The following MAP3K5 variants were observed in gnomAD, a reference collection of about 807,000 sequenced individuals.
The protein encoded by MAP3K5 is mitogen-activated protein kinase kinase kinase 5, also known as ASK-1.
Under a neutral mutation model 158.7 loss-of-function variants are expected in MAP3K5, and 56 were observed. The observed-to-expected ratio is 0.35, with a 90% CI of 0.28 to 0.44. The LOEUF (loss-of-function observed/expected upper bound fraction) is 0.44. Ranked by LOEUF, MAP3K5 falls within the 20% of genes least tolerant of loss-of-function variation. The probability of loss-of-function intolerance (pLI) is 1.00; values close to 1 mark genes in which losing one functional copy is unlikely to be tolerated. For missense variants in MAP3K5, 1,294 were observed against 1,674.8 expected (o/e 0.77, Z 3.97); for synonymous variants, 579 against 601.7 (o/e 0.96, Z 0.55).
intron 1 of MAP3K5, among the ~76,000 whole-genome samples, chr6:136,735,591 G>A (rs1438617094): frequency 6.6e-6 from 1 of 152,140 alleles, no homozygotes; most frequent in East Asian, 1.9e-4. Context: ...AGCACTTTGC[G>A]AGGCTGAGGC....
Position 136,765,084 on chromosome 6 carries a change from TC to T in MAP3K5, c.448+26625del, listed in dbSNP as rs549319107. ...AAAAATTAGGAAGTCATCATTAGAT[TC>T]CCCCAATCAAATGTATAAGACAGTA... On this transcript the variant is annotated intron_variant, in intron 1 of 29. Transcript: ENST00000359015. Among the ~76,000 whole-genome samples the T allele has an allele frequency of 2.6e-3, 389 of 152,260 alleles. 2 individuals are homozygous for T. The highest frequency in any genetic ancestry group is 9.1e-3 in the African/African-American group (378 of 41,548).
chr6:136,650,352 T>A (rs1778462926), intron 11 of MAP3K5, among the ~76,000 whole-genome samples: 1 of 152,266 alleles, frequency 6.6e-6, no homozygotes, highest in African/African-American at 2.4e-5. Context: ...AATGTCTGTT[T>A]GTAAAAAATA....
At position 136,751,596 on chromosome 6, in the gene MAP3K5, A is replaced by G. The variant is rs552564819; in HGVS notation, c.449-31007T>C. On this transcript the variant is annotated intron_variant, in intron 1 of 29. Coordinates refer to ENST00000359015, the MANE Select transcript of MAP3K5 (RefSeq NM_005923.4). ...CGCTCCCTTCCCATCCCACTCAACA[A>G]TCAGGCAGTAATGTTTTATGAAGTT... 2.0e-5 allele frequency among the ~76,000 whole-genome samples: 3 copies of G among 152,272 alleles called. No individual in the cohort carries two copies. The South Asian group carries it at 6.2e-4, about 32-fold the overall frequency.
intron 3 of MAP3K5, among the ~76,000 whole-genome samples, chr6:136,701,897 G>C (rs1256834090): frequency 6.6e-6 from 1 of 152,168 alleles, no homozygotes; most frequent in Non-Finnish European, 1.5e-5. Context: ...TAGTTTATCA[G>C]ATATTATTAT....
At chr6:136,770,118 TTTTATTTTTA>T (rs1784138049) in intron 1 of MAP3K5, among the ~76,000 whole-genome samples, 2 of 152,076 alleles carry the variant, frequency 1.3e-5, no homozygotes, top group Non-Finnish European at 2.9e-5. Context: ...TGGCCTCCCT[TTTTATTTTTA>T]TTTATTTTTA....
intron 23 of MAP3K5, among the ~76,000 whole-genome samples, chr6:136,591,433 G>T (rs1775382298): frequency 6.6e-6 from 1 of 152,238 alleles, no homozygotes; most frequent in African/African-American, 2.4e-5. Context: ...CTTGAACTGG[G>T]TAGATAGTTA....
In MAP3K5 at chr6:136,601,879, G is replaced by C. The variant is rs547820632; in HGVS notation, c.2780C>G (p.Ala927Gly). The change falls in exon 20 of 30, where the codon GCC (alanine) becomes GGC (glycine). Residue 927 changes from alanine (A) to glycine (G), a missense_variant. Ala to Gly is a moderately conservative substitution (Grantham distance 60). Transcript: ENST00000359015. ...KCFEPDPDKR[A>G]CANDLLVDEF... The stretch of plus-strand genomic sequence containing the variant: ...ATCAACAAGCAAGTCGTTAGCACAG[G>C]CTCTCTTGTCAGGATCTGGTTCAAA... 10 of 1,614,100 alleles carry C rather than the reference G, an allele frequency of 6.2e-6. No homozygotes were observed. The Admixed American group carries it at 1.3e-4, about 22-fold the overall frequency.
chr6:136,767,621 A>G (rs1784019458), intron 1 of MAP3K5, among the ~76,000 whole-genome samples: 1 of 152,226 alleles, frequency 6.6e-6, no homozygotes, highest in African/African-American at 2.4e-5. Flanking sequence ...TCATGACAAA[A>G]GAAAGAATAT....
intron 1 of MAP3K5, among the ~76,000 whole-genome samples, chr6:136,733,830 G>T (rs769308075): frequency 4.7e-5 from 7 of 150,482 alleles, no homozygotes; most frequent in Non-Finnish European, 8.8e-5. Context: ...TTTACATTAG[G>T]GTTCACTCTT....
intron 7 of MAP3K5, among the ~76,000 whole-genome samples, chr6:136,683,115 T>G (rs1780004324): frequency 6.6e-6 from 1 of 152,152 alleles, no homozygotes; most frequent in Non-Finnish European, 1.5e-5. Context: ...CACTAAAGGC[T>G]TACTAAATTT....
chr6:136,614,199 C>T lies in MAP3K5; in HGVS notation c.2238G>A (p.Glu746=), dbSNP rs1246966662. The part of the protein sequence containing the change: ...NIVQYLGSFS[E]NGFIKIFMEQ... ...CCATGAAGATTTTAATGAAACCATT[C>T]TCACTGAAAGAGCCCAGATACTGGA... The change falls in exon 16 of 30, where the codon GAG becomes GAA. Residue 746 remains glutamate (E), a synonymous_variant. Transcript: ENST00000359015. 1 of 1,613,730 alleles carries T rather than the reference C, an allele frequency of 6.2e-7. No homozygotes were observed. The highest frequency in any genetic ancestry group is 8.5e-7 in the Non-Finnish European group (1 of 1,179,860).
chr6:136,599,475 ATCTCTCTCTCTC>A (rs71737097), intron 21 of MAP3K5, among the ~76,000 whole-genome samples: 13 of 141,980 alleles, frequency 9.2e-5, no homozygotes, highest in African/African-American at 2.8e-4. Flanking sequence ...CACTTAAAGG[ATCTCTCTCTCTC>A]TCTCTCTCTC....
At chr6:136,724,790 T>C (rs1318630264) in intron 1 of MAP3K5, among the ~76,000 whole-genome samples, 1 of 152,224 alleles carries the variant, frequency 6.6e-6, no homozygotes, top group Non-Finnish European at 1.5e-5. Flanking sequence ...ACTTTTTAAT[T>C]GTCATAGAGC....
At chr6:136,740,378 A>T (rs776361701) in intron 1 of MAP3K5, among the ~76,000 whole-genome samples, 10 of 151,962 alleles carry the variant, frequency 6.6e-5, no homozygotes, top group Non-Finnish European at 1.0e-4. Flanking sequence ...GTCTTCTTGA[A>T]TTTCTGCTGT....
chr6:136,664,384 A>G (rs1779137874), intron 8 of MAP3K5, among the ~76,000 whole-genome samples: 1 of 152,102 alleles, frequency 6.6e-6, no homozygotes, highest in African/African-American at 2.4e-5. Flanking sequence ...ATATATTACA[A>G]TGCAATAGAA....
chr6:136,785,303 T>C (rs1290136214), intron 1 of MAP3K5, among the ~76,000 whole-genome samples: 1 of 152,214 alleles, frequency 6.6e-6, no homozygotes, highest in Admixed American at 6.5e-5. Flanking sequence ...TGGGCGACTT[T>C]TGTCACAAGC....
chr6:136,661,428 C>T (rs534484971), intron 8 of MAP3K5, among the ~76,000 whole-genome samples: 1 of 152,296 alleles, frequency 6.6e-6, no homozygotes, highest in East Asian at 1.9e-4. Context: ...CAAGGTCTCA[C>T]TCTGTCGCCC....
chr6:136,681,965 T>C (rs556384959), intron 7 of MAP3K5, among the ~76,000 whole-genome samples: 2 of 152,172 alleles, frequency 1.3e-5, no homozygotes, highest in Non-Finnish European at 2.9e-5. Context: ...GGTCATGCCA[T>C]AACACAGCTT....
intron 8 of MAP3K5, among the ~76,000 whole-genome samples, chr6:136,668,102 G>A (rs916085337): frequency 6.6e-6 from 1 of 151,922 alleles, no homozygotes; most frequent in Admixed American, 6.6e-5. Context: ...GCCAAAGTGG[G>A]CCCGGTGCGG....
Sources: gnomAD v4.1 joint callset for allele counts (sites outside exome capture counted in the v4.1 genomes callset) on GRCh38, gnomAD v4.1.1 for gene constraint, MANE v1.5 for transcripts, NCBI Gene and HGNC (gene_info 2026-07-23, HGNC 2026-07-21) for gene names.